Variants in ITPR2 observed in about 807,000 individuals in gnomAD.
ITPR2 encodes the protein inositol 1,4,5-trisphosphate receptor type 2.
Under a neutral mutation model 317.1 loss-of-function variants are expected in ITPR2, and 207 were observed. The ratio of observed to expected loss-of-function variants is 0.65; its 90% CI spans 0.58 to 0.73. The LOEUF is 0.73. ITPR2 is among the 30% of genes least tolerant of loss of function. ITPR2 has a pLI of 0.00. For synonymous variants in ITPR2, 1,156 were observed against 1,149.1 expected, an observed-to-expected ratio of 1.01 and a Z score of -0.12; for missense variants, 2,613 against 3,284.0, an observed-to-expected ratio of 0.80 and a Z score of 4.99.
At chr12:26,601,604 C>T (rs1256808391) in intron 28 of ITPR2, among the ~76,000 whole-genome samples, 1 of 152,088 alleles carries the variant, frequency 6.6e-6, no homozygotes, top group Non-Finnish European at 1.5e-5. Context: ...TGATAGAACC[C>T]TTTATAACCT....
At chr12:26,734,996 C>CTTTTCTT (rs34491964) in intron 2 of ITPR2, among the ~76,000 whole-genome samples, 1 of 109,042 alleles carries the variant, frequency 9.2e-6, no homozygotes, top group Non-Finnish European at 1.8e-5. Flanking sequence ...GCAAGCCAGT[C>CTTTTCTT]TTTTTTTTTT....
chr12:26,628,174 A>G lies in ITPR2; in HGVS notation c.2935-12T>C. On this transcript the variant is annotated splice_polypyrimidine_tract_variant and intron_variant, in intron 22 of 56. Transcript: ENST00000381340. Reference sequence around the variant, plus strand: ...ACACTCAGGATAAACTATAAGAAACATTAAGAACAACATAAATTTCTTTCA... The same window carrying G: ...ACACTCAGGATAAACTATAAGAAACGTTAAGAACAACATAAATTTCTTTCA... 1 of 1,575,316 alleles carries G rather than the reference A, an allele frequency of 6.3e-7. No homozygotes were observed.
At chr12:26,538,603 A>C (rs1225279940) in intron 37 of ITPR2, among the ~76,000 whole-genome samples, 2 of 151,468 alleles carry the variant, frequency 1.3e-5, no homozygotes, top group Non-Finnish European at 2.9e-5. Flanking sequence ...TTGAGACAGA[A>C]TCTCACTCTG....
intron 37 of ITPR2, among the ~76,000 whole-genome samples, chr12:26,512,227 G>T (rs1181546393): frequency 6.8e-6 from 1 of 147,736 alleles, no homozygotes; most frequent in Non-Finnish European, 1.5e-5. Flanking sequence ...CTCACAATTT[G>T]CCCACAAGAA....
chr12:26,400,380 T>C (rs1940136464), intron 52 of ITPR2, 122 bp from the exon 53 acceptor site: 2 of 397,956 alleles, frequency 5.0e-6, no homozygotes, highest in South Asian at 1.0e-4. Flanking sequence ...TGTAAATTTA[T>C]ACACATATGT....
At chr12:26,798,121 G>A (rs1375452954) in intron 1 of ITPR2, among the ~76,000 whole-genome samples, 1 of 151,932 alleles carries the variant, frequency 6.6e-6, no homozygotes, top group African/African-American at 2.4e-5. Flanking sequence ...CACCTAAACT[G>A]TCCCTCCACC....
chr12:26,432,505 A>C (rs1359393218), intron 48 of ITPR2, among the ~76,000 whole-genome samples: 1 of 151,488 alleles, frequency 6.6e-6, no homozygotes, highest in Non-Finnish European at 1.5e-5. Context: ...TTTTCCTTTC[A>C]TAATTAAGTA....
chr12:26,644,013 T>C (rs555981270), intron 21 of ITPR2, among the ~76,000 whole-genome samples: 2 of 152,272 alleles, frequency 1.3e-5, no homozygotes, highest in South Asian at 2.1e-4. Flanking sequence ...CTATTTATCA[T>C]GACAATGGGG....
chr12:26,601,554 C>T (rs1945998378), intron 28 of ITPR2, among the ~76,000 whole-genome samples: 2 of 152,160 alleles, frequency 1.3e-5, no homozygotes, highest in South Asian at 4.1e-4. Flanking sequence ...AGGAACTCCA[C>T]TGGTCAAATC....
At position 26,340,177 on chromosome 12, in the gene ITPR2, A is replaced by T. The variant is rs1938060301; in HGVS notation, c.8009T>A (p.Leu2670His). Reference sequence around the variant, plus strand: ...CCTGAATGCACCCACCTGCTCCTTGAGCTCCGCCAGCTGACCCGACAGCTG... The same window carrying T: ...CCTGAATGCACCCACCTGCTCCTTGTGCTCCGCCAGCTGACCCGACAGCTG... ...VKQLSGQLAE[L>H]KEQMTEQRKN... Residue 2670 changes from leucine (L) to histidine (H), a missense_variant, in exon 56 of 57, where the codon CTC becomes CAC. Coordinates refer to ENST00000381340, the MANE Select transcript of ITPR2 (RefSeq NM_002223.4). 1 of 1,603,840 alleles carries T rather than the reference A, an allele frequency of 6.2e-7. No homozygotes were observed. The highest frequency in any genetic ancestry group is 8.5e-7 in the Non-Finnish European group (1 of 1,175,498).
intron 55 of ITPR2, among the ~76,000 whole-genome samples, chr12:26,360,231 T>C (rs1435987442): frequency 1.3e-5 from 2 of 152,176 alleles, no homozygotes; most frequent in Non-Finnish European, 2.9e-5. Context: ...CCTTCCTTGT[T>C]TTACTAAACA....
intron 5 of ITPR2, 71 bp downstream of exon 5, chr12:26,722,326 G>C: frequency 7.4e-7 from 1 of 1,345,392 alleles, no homozygotes; most frequent in Non-Finnish European, 1.0e-6. Flanking sequence ...GTACTTTCTG[G>C]ATTATCTTAC....
At chr12:26,688,551 AAGG>A (rs1279339645) in intron 10 of ITPR2, among the ~76,000 whole-genome samples, 23 of 152,100 alleles carry the variant, frequency 1.5e-4, no homozygotes, top group Non-Finnish European at 3.2e-4. Flanking sequence ...GAGGAAGAAG[AAGG>A]AGAAGGGAAA....
At chr12:26,811,036 CAAAAAAAAAAAA>C (rs79796097) in intron 1 of ITPR2, among the ~76,000 whole-genome samples, 14,951 of 109,074 alleles carry the variant, frequency 0.14, 1,034 homozygotes, top group Admixed American at 0.19. Context: ...TTTTAAGTTA[CAAAAAAAAAAAA>C]AAAAAAAAAA....
At chr12:26,705,267 A>G (rs115955651) in intron 9 of ITPR2, among the ~76,000 whole-genome samples, 28 of 152,008 alleles carry the variant, frequency 1.8e-4, no homozygotes, top group African/African-American at 6.3e-4. Flanking sequence ...TCCACTAAAA[A>G]TTTTCCCCAT....
At chr12:26,605,671 A>G (rs1305627560) in intron 26 of ITPR2, among the ~76,000 whole-genome samples, 3 of 152,352 alleles carry the variant, frequency 2.0e-5, no homozygotes, top group Middle Eastern at 3.4e-3. Context: ...TACATTACAA[A>G]AAGTCATACT....
chr12:26,654,758 C>A (rs1947335738), intron 20 of ITPR2, among the ~76,000 whole-genome samples: 3 of 152,182 alleles, frequency 2.0e-5, no homozygotes, highest in African/African-American at 7.2e-5. Context: ...TGAGGACACC[C>A]AGGCAGCCTA....
At chr12:26,425,644 C>T (rs1254790563) in intron 49 of ITPR2, among the ~76,000 whole-genome samples, 2 of 144,758 alleles carry the variant, frequency 1.4e-5, no homozygotes, top group African/African-American at 2.6e-5. Flanking sequence ...CTCCAGTGGG[C>T]GACAGAGTGA....
chr12:26,674,975 T>A (rs1241114159), intron 13 of ITPR2, among the ~76,000 whole-genome samples: 3 of 151,976 alleles, frequency 2.0e-5, no homozygotes, highest in Non-Finnish European at 2.9e-5. Flanking sequence ...ATCAGAGAAA[T>A]GCAAATCAAA....
Sources: gnomAD v4.1 joint callset for allele counts (sites outside exome capture counted in the v4.1 genomes callset) on GRCh38, gnomAD v4.1.1 for gene constraint, MANE v1.5 for transcripts, NCBI Gene and HGNC (gene_info 2026-07-23, HGNC 2026-07-21) for gene names.